Variants in FOXN3 observed in about 807,000 individuals in gnomAD.
FOXN3 encodes the protein forkhead box protein N3.
Under a neutral mutation model 38.4 loss-of-function variants are expected in FOXN3, and 7 were observed. That is an observed-to-expected ratio of 0.18 (90% CI 0.10 to 0.34). The LOEUF (loss-of-function observed/expected upper bound fraction) is 0.34. Among genes scored for constraint, FOXN3 ranks in the 10% least tolerant of loss-of-function variants. The pLI, the probability that FOXN3 is intolerant of heterozygous loss-of-function variation, is 1.00. For synonymous variants in FOXN3, 230 were observed against 242.2 expected, an observed-to-expected ratio of 0.95 and a Z score of 0.47; for missense variants, 456 against 613.4, an observed-to-expected ratio of 0.74 and a Z score of 2.71.
intron 1 of FOXN3, among the ~76,000 whole-genome samples, chr14:89,528,694 G>A (rs572538622): frequency 8.6e-5 from 13 of 152,000 alleles, no homozygotes; most frequent in Admixed American, 4.6e-4. Flanking sequence ...CCACACTCGG[G>A]CTGATTAATC....
intron 4 of FOXN3, among the ~76,000 whole-genome samples, chr14:89,186,826 T>A (rs1887821203): frequency 1.3e-5 from 2 of 152,152 alleles, no homozygotes; most frequent in African/African-American, 4.8e-5. Flanking sequence ...AGCATTAGAC[T>A]GAAATGAGAG....
intron 4 of FOXN3, among the ~76,000 whole-genome samples, chr14:89,181,055 C>T (rs540479849): frequency 6.6e-6 from 1 of 151,996 alleles, no homozygotes; most frequent in African/African-American, 2.4e-5. Context: ...TACACCTGCA[C>T]ATACAGACAT....
intron 4 of FOXN3, among the ~76,000 whole-genome samples, chr14:89,271,049 A>G (rs915991195): frequency 8.2e-4 from 125 of 152,276 alleles, no homozygotes; most frequent in African/African-American, 2.9e-3. Context: ...ATACCTGCAC[A>G]CACACACACA....
intron 4 of FOXN3, among the ~76,000 whole-genome samples, chr14:89,266,230 G>C (rs1021631604): frequency 6.6e-6 from 1 of 152,224 alleles, no homozygotes; most frequent in Non-Finnish European, 1.5e-5. Context: ...AGAGCAAAGA[G>C]GTGGCACGTT....
chr14:89,457,838 C>A (rs1188535863), intron 1 of FOXN3, among the ~76,000 whole-genome samples: 1 of 151,880 alleles, frequency 6.6e-6, no homozygotes, highest in Non-Finnish European at 1.5e-5. Context: ...CATGGAGAAA[C>A]CCCATCTCTA....
chr14:89,187,821 T>C (rs1343132901), intron 4 of FOXN3, among the ~76,000 whole-genome samples: 1 of 152,076 alleles, frequency 6.6e-6, no homozygotes, highest in Admixed American at 6.5e-5. Flanking sequence ...GCATCTTCAC[T>C]CCCTTGCTAA....
At chr14:89,613,517 A>G (rs1432306148) in intron 1 of FOXN3, among the ~76,000 whole-genome samples, 1 of 152,192 alleles carries the variant, frequency 6.6e-6, no homozygotes, top group Non-Finnish European at 1.5e-5. Flanking sequence ...AGTCAACACA[A>G]TTCAATAGTT....
At chr14:89,593,037 G>A (rs1347169408) in intron 1 of FOXN3, among the ~76,000 whole-genome samples, 2 of 150,066 alleles carry the variant, frequency 1.3e-5, no homozygotes, top group Non-Finnish European at 3.0e-5. Context: ...GAAAGAGGGA[G>A]GGAGGGAGGG....
intron 4 of FOXN3, among the ~76,000 whole-genome samples, chr14:89,250,876 T>C (rs1194259860): frequency 6.6e-6 from 1 of 152,206 alleles, no homozygotes; most frequent in Admixed American, 6.5e-5. Flanking sequence ...CTCTCTCTCT[T>C]GCCTGCCACC....
At chr14:89,475,662 A>G (rs191694522) in intron 1 of FOXN3, among the ~76,000 whole-genome samples, 113 of 152,300 alleles carry the variant, frequency 7.4e-4, no homozygotes, top group African/African-American at 2.5e-3. Context: ...CTCAAAGAAA[A>G]AAAATAACAA....
At chr14:89,240,605 C>T (rs529955221) in intron 4 of FOXN3, among the ~76,000 whole-genome samples, 27 of 152,294 alleles carry the variant, frequency 1.8e-4, no homozygotes, top group Admixed American at 5.2e-4. Context: ...ATGGCCTGTG[C>T]CCATCTGTGT....
intron 4 of FOXN3, among the ~76,000 whole-genome samples, chr14:89,271,934 C>T (rs1005352999): frequency 4.6e-5 from 7 of 152,216 alleles, no homozygotes; most frequent in African/African-American, 1.2e-4. Flanking sequence ...TCTGTGACTT[C>T]GAGCAGAACA....
intron 1 of FOXN3, among the ~76,000 whole-genome samples, chr14:89,451,788 G>A (rs1278899651): frequency 6.6e-6 from 1 of 152,060 alleles, no homozygotes. Context: ...ATACTATATG[G>A]TTTCCATTTT....
chr14:89,226,100 C>T (rs1227469208), intron 4 of FOXN3, among the ~76,000 whole-genome samples: 1 of 107,968 alleles, frequency 9.3e-6, no homozygotes, highest in African/African-American at 3.8e-5. Context: ...AGTAAATTCC[C>T]AAGTGATGGG....
chr14:89,582,709 C>A (rs927985770), intron 1 of FOXN3, among the ~76,000 whole-genome samples: 3 of 152,072 alleles, frequency 2.0e-5, no homozygotes, highest in Non-Finnish European at 4.4e-5. Flanking sequence ...ATATATACAC[C>A]TGTGAAACCA....
At chr14:89,192,861 TA>T (rs1566925673) in intron 4 of FOXN3, among the ~76,000 whole-genome samples, 1 of 150,272 alleles carries the variant, frequency 6.7e-6, no homozygotes, top group Non-Finnish European at 1.5e-5. Context: ...GCTAAAAAAC[TA>T]AAAGTTCTTC....
intron 1 of FOXN3, among the ~76,000 whole-genome samples, chr14:89,574,342 A>C (rs551639093): frequency 6.6e-6 from 1 of 152,362 alleles, no homozygotes; most frequent in Admixed American, 6.5e-5. Flanking sequence ...TGGTCTAATA[A>C]GGACATATTC....
At chr14:89,213,134 A>T (rs1481869451) in intron 4 of FOXN3, among the ~76,000 whole-genome samples, 2 of 152,154 alleles carry the variant, frequency 1.3e-5, no homozygotes, top group Non-Finnish European at 1.5e-5. Context: ...GAGCAGATGG[A>T]TAGAATGTGA....
At chr14:89,228,916 T>C (rs1221976294) in intron 4 of FOXN3, among the ~76,000 whole-genome samples, 1 of 152,226 alleles carries the variant, frequency 6.6e-6, no homozygotes, top group Non-Finnish European at 1.5e-5. Context: ...TCTGATTCTG[T>C]GTTTTCTTAA....
Sources: allele counts gnomAD v4.1 joint callset (sites outside exome capture counted in the v4.1 genomes callset), GRCh38; gene constraint gnomAD v4.1.1; transcripts MANE v1.5; gene names NCBI Gene and HGNC (gene_info 2026-07-23, HGNC 2026-07-21).